KHDRBS2: variants seen among roughly 807,000 people sequenced by gnomAD.
KHDRBS2 encodes KH domain-containing, RNA-binding, signal transduction-associated protein 2.
In KHDRBS2, 26 loss-of-function variants were observed where a neutral mutation model predicts 44.3. The observed-to-expected ratio is 0.59, with a 90% CI of 0.43 to 0.81. KHDRBS2 has a LOEUF of 0.81. Ranked by LOEUF, KHDRBS2 falls within the 40% of genes least tolerant of loss-of-function variation. The probability of loss-of-function intolerance (pLI) is 0.00; values close to 1 mark genes in which losing one functional copy is unlikely to be tolerated. For synonymous variants in KHDRBS2, 194 were observed against 151.1 expected (o/e 1.28, Z -2.08); for missense variants, 476 against 433.1 (o/e 1.10, Z -0.88).
At chr6:62,263,025 A>G (rs531720659) in intron 1 of KHDRBS2, among the ~76,000 whole-genome samples, 1 of 151,892 alleles carries the variant, frequency 6.6e-6, no homozygotes, top group African/African-American at 2.4e-5. Flanking sequence ...GCTTGAGTAT[A>G]AACACTAAAA....
At chr6:61,607,204 A>G in the KHDRBS2 span, among the ~76,000 whole-genome samples, 1 of 151,990 alleles carries the variant, frequency 6.6e-6, no homozygotes, top group Admixed American at 6.6e-5. Context: ...CAGAGGGAAG[A>G]GATGTAAAAT....
chr6:62,170,193 G>A (rs567161244), intron 2 of KHDRBS2, among the ~76,000 whole-genome samples: 102 of 152,102 alleles, frequency 6.7e-4, no homozygotes, highest in Middle Eastern at 6.8e-3. Context: ...AGTGGGACCT[G>A]CCAGCTTGGT....
At chr6:61,896,826 A>T (rs1245443572) in intron 5 of KHDRBS2, among the ~76,000 whole-genome samples, 2 of 152,090 alleles carry the variant, frequency 1.3e-5, no homozygotes. Context: ...TGATTTCCAA[A>T]TCCACTAGAT....
chr6:61,631,254 C>A, the KHDRBS2 span, among the ~76,000 whole-genome samples: 4 of 133,684 alleles, frequency 3.0e-5, no homozygotes, highest in Non-Finnish European at 6.2e-5. Flanking sequence ...AAATAGTTTC[C>A]TTCTGCCCTA....
chr6:61,993,673 A>ATATATAT (rs1425839225), intron 3 of KHDRBS2, among the ~76,000 whole-genome samples: 13 of 115,694 alleles, frequency 1.1e-4, no homozygotes, highest in African/African-American at 3.9e-4. Flanking sequence ...ATATATATAT[A>ATATATAT]TTTTTTTTTT....
chr6:62,261,334 A>G (rs1838305208), intron 1 of KHDRBS2, among the ~76,000 whole-genome samples: 1 of 151,848 alleles, frequency 6.6e-6, no homozygotes, highest in African/African-American at 2.4e-5. Flanking sequence ...CTGCACTGGA[A>G]GATTATAATT....
chr6:61,597,918 T>C, the KHDRBS2 span, among the ~76,000 whole-genome samples: 29 of 146,212 alleles, frequency 2.0e-4, no homozygotes, highest in Non-Finnish European at 2.3e-4. Flanking sequence ...TTTTGTGTTT[T>C]TTTTTTTAAT....
At chr6:61,631,384 A>AC in the KHDRBS2 span, among the ~76,000 whole-genome samples, 1 of 147,676 alleles carries the variant, frequency 6.8e-6, no homozygotes, top group Non-Finnish European at 1.5e-5. Flanking sequence ...TGCTGGAGGT[A>AC]CTTTGGGAGA....
intron 1 of KHDRBS2, among the ~76,000 whole-genome samples, chr6:62,230,732 C>A (rs924619492): frequency 1.7e-4 from 26 of 152,310 alleles, no homozygotes; most frequent in Admixed American, 1.5e-3. Context: ...TTAAGATTCA[C>A]AGGGCAATTA....
chr6:61,609,124 A>T, the KHDRBS2 span, among the ~76,000 whole-genome samples: 1 of 152,142 alleles, frequency 6.6e-6, no homozygotes, highest in Admixed American at 6.5e-5. Flanking sequence ...TTGGGAGGCC[A>T]AGGCAGGTGG....
chr6:62,256,484 G>A (rs1290669033), intron 1 of KHDRBS2, among the ~76,000 whole-genome samples: 1 of 151,916 alleles, frequency 6.6e-6, no homozygotes, highest in Non-Finnish European at 1.5e-5. Context: ...ATAAGGGGGA[G>A]CTTCCCTGCA....
At chr6:61,638,916 A>G in the KHDRBS2 span, among the ~76,000 whole-genome samples, 54 of 152,218 alleles carry the variant, frequency 3.5e-4, no homozygotes, top group Non-Finnish European at 6.5e-4. Context: ...AATGTGCTAC[A>G]AACAACTAAT....
intron 7 of KHDRBS2, among the ~76,000 whole-genome samples, chr6:61,719,905 T>C (rs1772103830): frequency 1.3e-5 from 2 of 152,116 alleles, no homozygotes. Context: ...ATTAGGTACA[T>C]CTCCCAGTGC....
downstream of KHDRBS2, among the ~76,000 whole-genome samples, chr6:61,676,652 G>A (rs1765962193): frequency 6.6e-6 from 1 of 151,818 alleles, no homozygotes; most frequent in African/African-American, 2.4e-5. Context: ...CTAGTGCAGT[G>A]AAACATCCTA....
chr6:61,888,494 A>AG (rs1801304765), intron 6 of KHDRBS2, among the ~76,000 whole-genome samples: 1 of 152,148 alleles, frequency 6.6e-6, no homozygotes, highest in African/African-American at 2.4e-5. Flanking sequence ...TAAAACGGAA[A>AG]GGAAACACAT....
chr6:62,095,153 T>C (rs1800307461), intron 2 of KHDRBS2, among the ~76,000 whole-genome samples: 1 of 151,786 alleles, frequency 6.6e-6, no homozygotes, highest in African/African-American at 2.4e-5. Context: ...ATTCTATATG[T>C]TTTCTACATC....
At chr6:62,108,320 T>C (rs1804034504) in intron 2 of KHDRBS2, among the ~76,000 whole-genome samples, 1 of 152,182 alleles carries the variant, frequency 6.6e-6, no homozygotes, top group Non-Finnish European at 1.5e-5. Flanking sequence ...AAGACATTTA[T>C]GCAGCCAAAA....
intron 1 of KHDRBS2, among the ~76,000 whole-genome samples, chr6:62,187,935 A>T (rs1823778648): frequency 6.6e-6 from 1 of 152,076 alleles, no homozygotes; most frequent in Non-Finnish European, 1.5e-5. Flanking sequence ...ACATGGTGCC[A>T]GCATCTGCTT....
At chr6:62,018,364 A>T (rs1176447865) in intron 3 of KHDRBS2, among the ~76,000 whole-genome samples, 5 of 149,872 alleles carry the variant, frequency 3.3e-5, no homozygotes, top group Non-Finnish European at 5.9e-5. Flanking sequence ...TCACCCAAAT[A>T]TTTTTTATCA....
Sources: gnomAD v4.1 joint callset for allele counts (sites outside exome capture counted in the v4.1 genomes callset) on GRCh38, gnomAD v4.1.1 for gene constraint, MANE v1.5 for transcripts, NCBI Gene and HGNC (gene_info 2026-07-23, HGNC 2026-07-21) for gene names.